IQCJ: variants seen among roughly 807,000 people sequenced by gnomAD.
IQCJ encodes the protein IQ domain-containing protein J.
A neutral mutation model predicts 11.0 loss-of-function variants in IQCJ; 9 were observed. The observed-to-expected ratio is 0.82, with a 90% CI of 0.49 to 1.43. The LOEUF (loss-of-function observed/expected upper bound fraction) is 1.43. IQCJ is among the 40% of genes most tolerant of loss of function. IQCJ has a pLI of 0.00. For synonymous variants in IQCJ, 55 were observed against 51.3 expected (o/e 1.07, Z -0.31); for missense variants, 146 against 133.2 (o/e 1.10, Z -0.47).
intron 1 of IQCJ, among the ~76,000 whole-genome samples, chr3:159,223,373 T>A (rs1295495650): frequency 1.3e-5 from 2 of 152,136 alleles, no homozygotes; most frequent in Admixed American, 6.6e-5. Flanking sequence ...AAAAGGAGTA[T>A]AATATATGTA....
intron 1 of IQCJ, among the ~76,000 whole-genome samples, chr3:159,161,175 A>G (rs1721832202): frequency 6.6e-6 from 1 of 152,148 alleles, no homozygotes; most frequent in South Asian, 2.1e-4. Context: ...CTATTTCTCC[A>G]CATCCTCTCC....
intron 1 of IQCJ, among the ~76,000 whole-genome samples, chr3:159,086,586 A>G (rs1716792649): frequency 1.3e-5 from 2 of 151,848 alleles, no homozygotes; most frequent in Admixed American, 1.3e-4. Context: ...ATCCTCTTTT[A>G]TTTCCTTGAG....
chr3:159,092,661 G>A (rs1717402415), intron 1 of IQCJ, among the ~76,000 whole-genome samples: 1 of 149,982 alleles, frequency 6.7e-6, no homozygotes, highest in African/African-American at 2.5e-5. Flanking sequence ...TTGCACCACT[G>A]CACTCCAGCC....
At chr3:159,072,842 A>C (rs1320414934) in intron 1 of IQCJ, among the ~76,000 whole-genome samples, 1 of 152,078 alleles carries the variant, frequency 6.6e-6, no homozygotes, top group Non-Finnish European at 1.5e-5. Context: ...ATTTGAACCC[A>C]GATTCTAGAG....
At chr3:159,258,812 C>A (rs1728043973) in intron 3 of IQCJ, among the ~76,000 whole-genome samples, 1 of 152,102 alleles carries the variant, frequency 6.6e-6, no homozygotes, top group African/African-American at 2.4e-5. Context: ...CCCACACTGC[C>A]CAGTCTGTGC....
chr3:159,142,480 G>C (rs886435644), intron 1 of IQCJ, among the ~76,000 whole-genome samples: 14 of 151,824 alleles, frequency 9.2e-5, no homozygotes, highest in African/African-American at 3.1e-4. Context: ...GCAGTGGTGT[G>C]ATCTTGGCTC....
chr3:159,242,498 G>C (rs548541855), intron 1 of IQCJ, among the ~76,000 whole-genome samples: 18 of 151,120 alleles, frequency 1.2e-4, no homozygotes, highest in Non-Finnish European at 2.1e-4. Context: ...TTGCACCCTG[G>C]ATTTCACTAC....
At chr3:159,242,158 T>C (rs1038116912) in intron 1 of IQCJ, among the ~76,000 whole-genome samples, 1 of 152,090 alleles carries the variant, frequency 6.6e-6, no homozygotes, top group Non-Finnish European at 1.5e-5. Context: ...GGTTGTAGTA[T>C]AGAGGGTGGC....
At position 159,188,939 on chromosome 3, in the gene IQCJ, G is replaced by A. The variant is rs368694842; in HGVS notation, c.10-56904G>A. Among the ~76,000 whole-genome samples, 5 of 152,344 alleles carry A rather than the reference G, an allele frequency of 3.3e-5. No individual in the cohort carries two copies. The East Asian group carries it at 7.7e-4, about 23-fold the overall frequency. ...TACCTTAAACTAGAATCTGAAGCCA[G>A]AGGGGACAGTGCTCTGAGCATGAAA... On this transcript the variant is annotated intron_variant, in intron 1 of 3. Transcript: ENST00000397832.
chr3:159,085,159 T>C (rs1357892241), intron 1 of IQCJ, among the ~76,000 whole-genome samples: 1 of 151,824 alleles, frequency 6.6e-6, no homozygotes, highest in Non-Finnish European at 1.5e-5. Context: ...TTAGTGAGAA[T>C]ATGCAGTGTT....
rs140039782 is a variant in IQCJ at position 159,213,558 on chromosome 3, T to A, written c.10-32285T>A. On this transcript the variant is annotated intron_variant, in intron 1 of 3. Transcript: ENST00000397832. ...TCACTGTTTGTGTTTATGTCAACAA[T>A]TGAACTTGTTTATGCTTCATATTGG... Among the ~76,000 whole-genome samples, 1,149 of 152,348 alleles carry A rather than the reference T, an allele frequency of 7.5e-3. 14 individuals carry two copies. The highest frequency in any genetic ancestry group is 0.026 in the African/African-American group (1,082 of 41,584).
At chr3:159,252,671 C>T in intron 2 of IQCJ, 56 bp from the exon 3 acceptor site, 7 of 1,477,082 alleles carry the variant, frequency 4.7e-6, no homozygotes, top group Non-Finnish European at 6.5e-6. Context: ...AGTATTATTG[C>T]TATAGATGTT....
chr3:159,187,820 G>T (rs1248258923), intron 1 of IQCJ, among the ~76,000 whole-genome samples: 4 of 152,178 alleles, frequency 2.6e-5, no homozygotes, highest in Non-Finnish European at 5.9e-5. Flanking sequence ...TTCTTGTCCT[G>T]AGAGTGAAAG....
intron 1 of IQCJ, among the ~76,000 whole-genome samples, chr3:159,207,333 G>A (rs1295467480): frequency 6.6e-6 from 1 of 152,072 alleles, no homozygotes; most frequent in Non-Finnish European, 1.5e-5. Context: ...GCATTCAACT[G>A]TATATAGTCA....
rs550873237 is a variant in IQCJ, at chr3:159,242,171, G to A, written c.10-3672G>A. Among the ~76,000 whole-genome samples, 64 of 152,302 alleles carry A rather than the reference G, an allele frequency of 4.2e-4. No homozygotes were observed. The South Asian group carries it at 0.013, about 32-fold the overall frequency. On this transcript the variant is annotated intron_variant, in intron 1 of 3. Coordinates refer to ENST00000397832, the MANE Select transcript of IQCJ (RefSeq NM_001042706.3). ...TGGGTTGTAGTATAGAGGGTGGCAG[G>A]AAATGAGGTCAGAGAGATAGGTGGG...
intron 1 of IQCJ, among the ~76,000 whole-genome samples, chr3:159,141,732 C>G (rs1021137567): frequency 1.3e-5 from 2 of 152,092 alleles, no homozygotes; most frequent in Admixed American, 1.3e-4. Flanking sequence ...CTTACCAAAG[C>G]CATATTTTTC....
At chr3:159,252,065 A>T (rs1490267041) in intron 2 of IQCJ, among the ~76,000 whole-genome samples, 1 of 151,890 alleles carries the variant, frequency 6.6e-6, no homozygotes, top group Non-Finnish European at 1.5e-5. Context: ...GAATGTTTTC[A>T]CCTCTATTTG....
intron 1 of IQCJ, among the ~76,000 whole-genome samples, chr3:159,174,627 AG>A (rs1722670436): frequency 1.3e-5 from 2 of 152,332 alleles, no homozygotes; most frequent in Middle Eastern, 3.4e-3. Flanking sequence ...AACGAAATCA[AG>A]AAGATAGCAA....
At chr3:159,123,254 A>G (rs532828492) in intron 1 of IQCJ, among the ~76,000 whole-genome samples, 5 of 152,262 alleles carry the variant, frequency 3.3e-5, no homozygotes, top group African/African-American at 7.2e-5. Context: ...ATAACCACCT[A>G]AAGTCAGTTC....
Sources: allele counts gnomAD v4.1 joint callset (sites outside exome capture counted in the v4.1 genomes callset), GRCh38; gene constraint gnomAD v4.1.1; transcripts MANE v1.5; gene names NCBI Gene and HGNC (gene_info 2026-07-23, HGNC 2026-07-21).